GALNT17: variants seen among roughly 807,000 people sequenced by gnomAD.
GALNT17 encodes polypeptide N-acetylgalactosaminyltransferase 17, also known as UDP-GalNAc:polypeptide N-acetylgalactosaminyltransferase-like 3.
A neutral mutation model predicts 63.7 loss-of-function variants in GALNT17; 29 were observed. The observed-to-expected ratio is 0.46, with a 90% CI of 0.34 to 0.62. GALNT17 has a LOEUF of 0.62. Ranked by LOEUF, GALNT17 falls within the 20% of genes least tolerant of loss-of-function variation. GALNT17 has a pLI of 0.01. For missense variants in GALNT17, 603 were observed against 799.6 expected (o/e 0.75, Z 2.97); for synonymous variants, 305 against 318.3 (o/e 0.96, Z 0.45).
chr7:71,280,652 A>G (rs964613613), intron 1 of GALNT17, among the ~76,000 whole-genome samples: 1 of 152,102 alleles, frequency 6.6e-6, no homozygotes, highest in African/African-American at 2.4e-5. Context: ...AAGCAATGGG[A>G]CTCTGCCCTC....
intron 9 of GALNT17, among the ~76,000 whole-genome samples, chr7:71,682,740 A>AG (rs1424380398): frequency 7.2e-5 from 11 of 152,110 alleles, no homozygotes; most frequent in Admixed American, 2.6e-4. Flanking sequence ...TTGTAGAAAT[A>AG]GGGGTCTCCC....
intron 1 of GALNT17, among the ~76,000 whole-genome samples, chr7:71,248,107 G>T (rs1333385393): frequency 6.6e-6 from 1 of 152,054 alleles, no homozygotes; most frequent in East Asian, 1.9e-4. Context: ...CGCATGTCTG[G>T]GGAGGCCTCA....
At position 71,217,993 on chromosome 7, in the gene GALNT17, C is replaced by G. The variant is rs1008887149; in HGVS notation, c.238+84953C>G. Among the ~76,000 whole-genome samples the G allele has an allele frequency of 8.5e-5, 13 of 152,136 alleles. No homozygotes were observed. The South Asian group carries it at 1.7e-3, about 19-fold the overall frequency. ...AATAGCCCATCTCCAGGCTTTCCAG[C>G]TCCATGCTAATTTGCACTGTGGGTA... On this transcript the variant is annotated intron_variant, in intron 1 of 10. Transcript: ENST00000333538.
intron 1 of GALNT17, among the ~76,000 whole-genome samples, chr7:71,173,816 C>G (rs1221035746): frequency 6.6e-6 from 1 of 152,098 alleles, no homozygotes; most frequent in Non-Finnish European, 1.5e-5. Context: ...GTAAGCCACT[C>G]AAGCTCAGGG....
intron 2 of GALNT17, among the ~76,000 whole-genome samples, chr7:71,341,018 A>G (rs1791996816): frequency 6.6e-6 from 1 of 152,204 alleles, no homozygotes; most frequent in Non-Finnish European, 1.5e-5. Flanking sequence ...AGCCTGGGCA[A>G]CAGAGTGAGA....
intron 5 of GALNT17, among the ~76,000 whole-genome samples, chr7:71,529,812 G>T (rs578071503): frequency 6.6e-6 from 1 of 152,280 alleles, no homozygotes; most frequent in South Asian, 2.1e-4. Context: ...AATAACCTGT[G>T]AATTTTAGTT....
At position 71,146,324 on chromosome 7, in the gene GALNT17, G is replaced by A. The variant is rs192600781; in HGVS notation, c.238+13284G>A. Among the ~76,000 whole-genome samples, 107 of 152,242 alleles carry A rather than the reference G, an allele frequency of 7.0e-4. 1 individual carries two copies. Among genetic ancestry groups the A allele is most frequent in the Middle Eastern group, 6.8e-3 (2 of 292 alleles). On this transcript the variant is annotated intron_variant, in intron 1 of 10. Coordinates refer to ENST00000333538, the MANE Select transcript of GALNT17 (RefSeq NM_022479.3). ...ATATGCTGAGGCCAGTGCCAGTCTC[G>A]GGTCCTCTCACTCCTTCTGGATTCA...
At chr7:71,205,501 C>G (rs991968593) in intron 1 of GALNT17, among the ~76,000 whole-genome samples, 7 of 152,098 alleles carry the variant, frequency 4.6e-5, no homozygotes, top group African/African-American at 1.7e-4. Context: ...ATGCTCATTG[C>G]AGCCTCGAAC....
chr7:71,613,991 C>T (rs1790162862), intron 6 of GALNT17, among the ~76,000 whole-genome samples: 1 of 151,944 alleles, frequency 6.6e-6, no homozygotes, highest in Non-Finnish European at 1.5e-5. Flanking sequence ...CATGGAGAGT[C>T]AAGAACTCTG....
chr7:71,415,738 C>A, intron 3 of GALNT17, 151 bp from the exon 4 acceptor site: 1 of 839,060 alleles, frequency 1.2e-6, no homozygotes, highest in Non-Finnish European at 1.8e-6. Flanking sequence ...GACTCCTAGA[C>A]TGATGAGATT....
intron 5 of GALNT17, among the ~76,000 whole-genome samples, chr7:71,565,833 C>T (rs1286894601): frequency 1.4e-5 from 2 of 146,654 alleles, no homozygotes; most frequent in African/African-American, 5.1e-5. Flanking sequence ...ATTTTTTTTT[C>T]TCTTCTCTTT....
intron 6 of GALNT17, among the ~76,000 whole-genome samples, chr7:71,622,382 A>G (rs1413361714): frequency 6.6e-6 from 1 of 152,200 alleles, no homozygotes; most frequent in Non-Finnish European, 1.5e-5. Context: ...AGAAGACTTT[A>G]AGACTTACTC....
chr7:71,711,777 C>G (rs1791796761), intron 10 of GALNT17, among the ~76,000 whole-genome samples: 1 of 150,542 alleles, frequency 6.6e-6, no homozygotes, highest in Non-Finnish European at 1.5e-5. Flanking sequence ...GTCTCGTTCT[C>G]TCTCCTGTCT....
chr7:71,689,342 A>C (rs933683080), intron 9 of GALNT17, among the ~76,000 whole-genome samples: 1 of 152,230 alleles, frequency 6.6e-6, no homozygotes, highest in African/African-American at 2.4e-5. Context: ...TATGAATGCA[A>C]AGGAAAAGTT....
At position 71,674,774 on chromosome 7, in the gene GALNT17, C is replaced by G. The variant is rs111788603; in HGVS notation, c.1405-2437C>G. On this transcript the variant is annotated intron_variant, in intron 8 of 10. Transcript: ENST00000333538. Reference sequence around the variant, plus strand: ...TTAAGCAATCTTCCAGCCTCAGCCTCCCAAAGCACTGGGATTACAGGCGTG... The same window carrying G: ...TTAAGCAATCTTCCAGCCTCAGCCTGCCAAAGCACTGGGATTACAGGCGTG... 4.4e-3 allele frequency among the ~76,000 whole-genome samples: 668 copies of G among 152,332 alleles called. 3 individuals are homozygous for G. The highest frequency in any genetic ancestry group is 7.4e-3 in the Non-Finnish European group (505 of 68,028).
chr7:71,703,742 A>G (rs1584150250), intron 9 of GALNT17, among the ~76,000 whole-genome samples: 1 of 152,214 alleles, frequency 6.6e-6, no homozygotes, highest in East Asian at 1.9e-4. Context: ...AGATCCGGTT[A>G]TATTTGTAGC....
chr7:71,682,749 C>T (rs75978378), intron 9 of GALNT17, among the ~76,000 whole-genome samples: 6,785 of 152,070 alleles, frequency 0.045, 195 homozygotes, highest in Non-Finnish European at 0.07. Flanking sequence ...TAGGGGTCTC[C>T]CTATGCTTCC....
intron 3 of GALNT17, among the ~76,000 whole-genome samples, chr7:71,407,400 A>AC (rs773428051): frequency 9.0e-4 from 137 of 152,072 alleles, no homozygotes; most frequent in Non-Finnish European, 1.6e-3. Flanking sequence ...GGTTGGAAGA[A>AC]CCCCCTGGCC....
intron 5 of GALNT17, among the ~76,000 whole-genome samples, chr7:71,442,530 A>G (rs1787086911): frequency 6.6e-6 from 1 of 152,162 alleles, no homozygotes. Flanking sequence ...AAGTCTGAAA[A>G]TTGGGTTGGT....
Sources: gnomAD v4.1 joint callset for allele counts (sites outside exome capture counted in the v4.1 genomes callset) on GRCh38, gnomAD v4.1.1 for gene constraint, MANE v1.5 for transcripts, NCBI Gene and HGNC (gene_info 2026-07-23, HGNC 2026-07-21) for gene names.